The following LRFN5 variants were observed in gnomAD, a reference collection of about 807,000 sequenced individuals.
The protein encoded by LRFN5 is leucine rich repeat and fibronectin type III domain containing 5, also known as leucine-rich repeat and fibronectin type-III domain-containing protein 5.
A neutral mutation model predicts 45.6 loss-of-function variants in LRFN5; 24 were observed. That is an observed-to-expected ratio of 0.53 (90% CI 0.38 to 0.74). The LOEUF (loss-of-function observed/expected upper bound fraction) is 0.74, where lower values mean the gene tolerates loss of function less well. Among genes scored for constraint, LRFN5 ranks in the 30% least tolerant of loss-of-function variants. The probability of loss-of-function intolerance (pLI) is 0.00; values close to 1 mark genes in which losing one functional copy is unlikely to be tolerated. For missense variants in LRFN5, 776 were observed against 861.5 expected (o/e 0.90, Z 1.24); for synonymous variants, 340 against 313.8 (o/e 1.08, Z -0.88).
At chr14:41,839,048 G>A (rs1212545829) in intron 2 of LRFN5, among the ~76,000 whole-genome samples, 1 of 152,020 alleles carries the variant, frequency 6.6e-6, no homozygotes, top group East Asian at 1.9e-4. Flanking sequence ...ATATTAAATT[G>A]TGTCTGTCTC....
At chr14:41,651,654 T>TG (rs1265672958) in intron 1 of LRFN5, among the ~76,000 whole-genome samples, 1 of 152,174 alleles carries the variant, frequency 6.6e-6, no homozygotes, top group Non-Finnish European at 1.5e-5. Flanking sequence ...TCTTAACACT[T>TG]TTGTTGTGAA....
chr14:41,822,550 C>T (rs1360865110), intron 2 of LRFN5, among the ~76,000 whole-genome samples: 2 of 151,828 alleles, frequency 1.3e-5, no homozygotes, highest in Non-Finnish European at 2.9e-5. Context: ...TGTGTTGATA[C>T]TTGTTTTTGG....
At chr14:41,822,795 G>A (rs549089485) in intron 2 of LRFN5, among the ~76,000 whole-genome samples, 26 of 149,136 alleles carry the variant, frequency 1.7e-4, no homozygotes, top group African/African-American at 5.6e-4. Flanking sequence ...ATTAGGTCTA[G>A]TAACATTTCT....
intron 2 of LRFN5, among the ~76,000 whole-genome samples, chr14:41,867,579 T>C (rs1440563290): frequency 1.3e-5 from 2 of 152,288 alleles, no homozygotes; most frequent in East Asian, 1.9e-4. Flanking sequence ...ATGTATTAAA[T>C]GTGAATTTAC....
intron 1 of LRFN5, among the ~76,000 whole-genome samples, chr14:41,736,739 T>C (rs887015273): frequency 6.6e-6 from 1 of 152,140 alleles, no homozygotes; most frequent in African/African-American, 2.4e-5. Context: ...GTAAATAAAC[T>C]AGAAAATCTA....
At chr14:41,651,802 A>C (rs1880138457) in intron 1 of LRFN5, among the ~76,000 whole-genome samples, 1 of 152,222 alleles carries the variant, frequency 6.6e-6, no homozygotes, top group African/African-American at 2.4e-5. Context: ...GGCTTAAATA[A>C]CAGAAATTTA....
intron 2 of LRFN5, among the ~76,000 whole-genome samples, chr14:41,842,818 AT>A (rs1022770932): frequency 6.6e-6 from 1 of 151,952 alleles, no homozygotes; most frequent in African/African-American, 2.4e-5. Flanking sequence ...TGTTTTTGGC[AT>A]TTTGATGTGG....
chr14:41,648,852 A>G (rs909374213), intron 1 of LRFN5, among the ~76,000 whole-genome samples: 2 of 152,182 alleles, frequency 1.3e-5, no homozygotes, highest in African/African-American at 4.8e-5. Context: ...AATCATAAAA[A>G]TTATTATAGA....
At chr14:41,903,430 A>T (rs575156838) in intron 5 of LRFN5, among the ~76,000 whole-genome samples, 1 of 151,582 alleles carries the variant, frequency 6.6e-6, no homozygotes, top group African/African-American at 2.4e-5. Context: ...ATATGAAAGC[A>T]TATATTTCTC....
intron 2 of LRFN5, among the ~76,000 whole-genome samples, chr14:41,829,725 A>G (rs1888414513): frequency 6.8e-6 from 1 of 147,312 alleles, no homozygotes; most frequent in South Asian, 2.2e-4. Flanking sequence ...TATTAATTAA[A>G]CTATTTGCTT....
At chr14:41,747,963 C>T (rs987231261) in intron 1 of LRFN5, among the ~76,000 whole-genome samples, 3 of 151,968 alleles carry the variant, frequency 2.0e-5, no homozygotes, top group East Asian at 1.9e-4. Flanking sequence ...AATACTACTT[C>T]GTAATCATTA....
chr14:41,893,738 T>C (rs1890855988), intron 4 of LRFN5: 2 of 985,382 alleles, frequency 2.0e-6, no homozygotes, highest in Non-Finnish European at 2.4e-6. Flanking sequence ...GAGATTACTT[T>C]CAGTGCCAGT....
chr14:41,800,203 T>G (rs1887277848), intron 2 of LRFN5, among the ~76,000 whole-genome samples: 1 of 152,098 alleles, frequency 6.6e-6, no homozygotes, highest in Non-Finnish European at 1.5e-5. Context: ...TTGCCTTCAT[T>G]TATCTTTAAT....
intron 1 of LRFN5, among the ~76,000 whole-genome samples, chr14:41,657,068 A>G (rs1880413146): frequency 6.6e-6 from 1 of 151,908 alleles, no homozygotes; most frequent in African/African-American, 2.4e-5. Flanking sequence ...ACTAAGTCAT[A>G]GGATCATTTG....
chr14:41,637,074 A>G (rs181502083), intron 1 of LRFN5, among the ~76,000 whole-genome samples: 1 of 152,312 alleles, frequency 6.6e-6, no homozygotes, highest in East Asian at 1.9e-4. Flanking sequence ...CAAGGCTTGA[A>G]CTGTGTCAGG....
chr14:41,621,015 A>C (rs965515912), intron 1 of LRFN5, among the ~76,000 whole-genome samples: 2 of 152,102 alleles, frequency 1.3e-5, no homozygotes, highest in African/African-American at 4.8e-5. Context: ...TAAAGCACTA[A>C]AATTTACTTA....
intron 2 of LRFN5, among the ~76,000 whole-genome samples, chr14:41,776,739 T>TGTGTGTGC (rs1328416190): frequency 6.6e-6 from 1 of 152,152 alleles, no homozygotes; most frequent in East Asian, 1.9e-4. Flanking sequence ...TTTATTTTGC[T>TGTGTGTGC]GTGTGTGCGT....
rs899124562 is a variant in LRFN5, at chr14:41,702,301, G to A, written c.-196-64553G>A. 3.3e-5 allele frequency among the ~76,000 whole-genome samples: 5 copies of A among 152,060 alleles called. No individual in the cohort carries two copies. The South Asian group carries it at 6.2e-4, about 19-fold the overall frequency. On this transcript the variant is annotated intron_variant, in intron 1 of 5. Transcript: ENST00000298119. ...GGCACATGCAGGGAATCCATGAAGC[G>A]ACATACAAGGATGCTGAAGTGAAAT...
intron 2 of LRFN5, among the ~76,000 whole-genome samples, chr14:41,819,259 T>G (rs1300624381): frequency 1.3e-5 from 2 of 152,146 alleles, no homozygotes; most frequent in South Asian, 2.1e-4. Flanking sequence ...GTGGGATTGT[T>G]GGATCAAATG....
Sources: gnomAD v4.1 joint callset for allele counts (sites outside exome capture counted in the v4.1 genomes callset) on GRCh38, gnomAD v4.1.1 for gene constraint, MANE v1.5 for transcripts, NCBI Gene and HGNC (gene_info 2026-07-23, HGNC 2026-07-21) for gene names.